GPR141: variants seen among roughly 807,000 people sequenced by gnomAD.
GPR141 encodes G protein-coupled receptor 141.
A neutral mutation model predicts 6.8 loss-of-function variants in GPR141; 6 were observed. The observed-to-expected ratio is 0.88, with a 90% confidence interval of 0.48 to 1.74. GPR141 has a LOEUF of 1.74. Among genes scored for constraint, GPR141 ranks in the 40% most tolerant of loss-of-function variants. The pLI is 0.01. For synonymous variants in GPR141, 140 were observed against 142.3 expected, an observed-to-expected ratio of 0.98 and a Z score of 0.11; for missense variants, 372 against 372.9, an observed-to-expected ratio of 1.00 and a Z score of 0.02.
In GPR141 at chr7:37,741,809, A is replaced by T. The variant is rs1049628886; in HGVS notation, c.*498A>T. On this transcript the variant is annotated 3_prime_UTR_variant, in exon 3 of 3. Transcript: ENST00000334425. ...TCATCTCATGCCCTGATAAAAACTG[A>T]TAAGGGGAGAGAATAGTTAAAAATT... Among the ~76,000 whole-genome samples the T allele has an allele frequency of 6.6e-6, 1 of 152,168 alleles. No homozygotes were observed. Among genetic ancestry groups the T allele is most frequent in the Non-Finnish European group, 1.5e-5 (1 of 68,032 alleles).
intron 2 of GPR141, among the ~76,000 whole-genome samples, chr7:37,737,972 A>G (rs1812329045): frequency 6.6e-6 from 1 of 152,214 alleles, no homozygotes; most frequent in Non-Finnish European, 1.5e-5. Flanking sequence ...ATGTGAGTAG[A>G]ACCAAATTTC....
chr7:37,739,470 A>G (rs1812420516), intron 2 of GPR141, among the ~76,000 whole-genome samples: 1 of 152,228 alleles, frequency 6.6e-6, no homozygotes, highest in Non-Finnish European at 1.5e-5. Flanking sequence ...AACCCAGAAC[A>G]TTCCAGACAT....
At chr7:37,704,711 GTA>G (rs1199128356) in intron 2 of GPR141, among the ~76,000 whole-genome samples, 1 of 152,134 alleles carries the variant, frequency 6.6e-6, no homozygotes, top group African/African-American at 2.4e-5. Context: ...GTTGTGCTGT[GTA>G]TATGGGTCTG....
intron 2 of GPR141, among the ~76,000 whole-genome samples, chr7:37,701,016 C>A (rs1456803822): frequency 5.3e-5 from 8 of 152,132 alleles, no homozygotes; most frequent in Non-Finnish European, 7.4e-5. Context: ...GCATCCTTAG[C>A]TTATGCTGAA....
chr7:37,699,046 AC>A (rs1022455640), intron 2 of GPR141, among the ~76,000 whole-genome samples: 1 of 152,192 alleles, frequency 6.6e-6, no homozygotes, highest in African/African-American at 2.4e-5. Context: ...TGCTTTGGGC[AC>A]CATTAGAGCA....
In GPR141 at chr7:37,740,628, A is replaced by G. The variant is rs760487084; in HGVS notation, c.235A>G (p.Lys79Glu). The G allele has an allele frequency of 6.2e-7, 1 of 1,614,074 alleles. No homozygotes were observed. The highest frequency in any genetic ancestry group is 2.2e-5 in the East Asian group (1 of 44,884). Reference sequence around the variant, plus strand: ...ATTTCGCTTGACCTACCTCATCAAGAAGACTTGGATGTTTGGGCTGCCCTT... The same window carrying G: ...ATTTCGCTTGACCTACCTCATCAAGGAGACTTGGATGTTTGGGCTGCCCTT... ...VPFRLTYLIKKTWMFGLPFCK... is the reference protein window; with the variant it reads ...VPFRLTYLIKETWMFGLPFCK... The change falls in exon 3 of 3, where the codon AAG becomes GAG. Residue 79 changes from lysine (K) to glutamate (E), a missense_variant. Lys to Glu is a moderately conservative substitution (Grantham distance 56). Transcript: ENST00000334425.
At chr7:37,701,570 T>TG (rs1369885565) in intron 2 of GPR141, among the ~76,000 whole-genome samples, 3 of 152,234 alleles carry the variant, frequency 2.0e-5, no homozygotes, top group Non-Finnish European at 4.4e-5. Context: ...AAATATTGCA[T>TG]GGGGTATTTA....
At chr7:37,689,857 G>A (rs1809676628) in intron 2 of GPR141, among the ~76,000 whole-genome samples, 1 of 149,630 alleles carries the variant, frequency 6.7e-6, no homozygotes, top group African/African-American at 2.5e-5. Context: ...TTAAGTTTTT[G>A]TTTCATTTCT....
intron 2 of GPR141, among the ~76,000 whole-genome samples, chr7:37,703,736 T>A (rs1014510720): frequency 5.9e-5 from 9 of 152,202 alleles, no homozygotes; most frequent in Non-Finnish European, 1.0e-4. Flanking sequence ...CAAGATGAAA[T>A]ATGTGTAAAG....
At chr7:37,712,447 G>T (rs1368669035) in intron 2 of GPR141, among the ~76,000 whole-genome samples, 1 of 152,148 alleles carries the variant, frequency 6.6e-6, no homozygotes, top group Non-Finnish European at 1.5e-5. Flanking sequence ...GTAATAAAGT[G>T]ATCAGTGTTG....
rs1812671328 is a variant in GPR141 at position 37,743,520 on chromosome 7, T to C, written c.*2209T>C. Reference sequence around the variant, plus strand: ...GACCGTTACTAAGACCCCTGATAGTTTTAAGAAAATTTATAATACCTATAA... The same window carrying C: ...GACCGTTACTAAGACCCCTGATAGTCTTAAGAAAATTTATAATACCTATAA... On this transcript the variant is annotated 3_prime_UTR_variant, in exon 3 of 3. Transcript: ENST00000334425. Among the ~76,000 whole-genome samples, 1 of 149,408 alleles carries C rather than the reference T, an allele frequency of 6.7e-6. No individual in the cohort carries two copies. The highest frequency in any genetic ancestry group is 1.5e-5 in the Non-Finnish European group (1 of 67,514).
chr7:37,742,991 G>A lies in GPR141; in HGVS notation c.*1680G>A, dbSNP rs1482781399. 6.6e-6 allele frequency among the ~76,000 whole-genome samples: 1 copy of A among 152,118 alleles called. No individual in the cohort carries two copies. Among genetic ancestry groups the A allele is most frequent in the Non-Finnish European group, 1.5e-5 (1 of 68,026 alleles). On this transcript the variant is annotated 3_prime_UTR_variant, in exon 3 of 3. Coordinates refer to ENST00000334425, the MANE Select transcript of GPR141 (RefSeq NM_001381946.1). Reference sequence around the variant, plus strand: ...TTCAAGAACTTCTGTTACTGGCTAGGTTGATACATAGGCTTGTGGGTTTTT... The same window carrying A: ...TTCAAGAACTTCTGTTACTGGCTAGATTGATACATAGGCTTGTGGGTTTTT...
At position 37,741,187 on chromosome 7, in the gene GPR141, A is replaced by G. The variant is rs766476489; in HGVS notation, c.794A>G (p.Tyr265Cys). 3.1e-6 allele frequency: 5 copies of G among 1,613,906 alleles called. No homozygotes were observed. The East Asian group carries it at 1.1e-4, about 36-fold the overall frequency. Residue 265 changes from tyrosine (Y) to cysteine (C), a missense_variant, in exon 3 of 3, where the codon TAT becomes TGT. Coordinates refer to ENST00000334425, the MANE Select transcript of GPR141 (RefSeq NM_001381946.1). Reference sequence around the variant, plus strand: ...GCCTGTAACAGCAAGGTTGCATTTTATAACGAAATCTTCTTGAGTGTAACA... The same window carrying G: ...GCCTGTAACAGCAAGGTTGCATTTTGTAACGAAATCTTCTTGAGTGTAACA... ...SNACNSKVAF[Y>C]NEIFLSVTAI...
intron 2 of GPR141, among the ~76,000 whole-genome samples, chr7:37,710,071 T>C (rs1421543399): frequency 2.0e-5 from 3 of 152,230 alleles, no homozygotes; most frequent in South Asian, 2.1e-4. Context: ...TGAGAGTACG[T>C]GATGACCTGG....
At chr7:37,698,048 G>A (rs1035766602) in intron 2 of GPR141, among the ~76,000 whole-genome samples, 2 of 152,212 alleles carry the variant, frequency 1.3e-5, no homozygotes, top group Non-Finnish European at 2.9e-5. Flanking sequence ...GCCACAGGGT[G>A]AAATATAGGC....
intron 2 of GPR141, among the ~76,000 whole-genome samples, chr7:37,707,046 C>G (rs1028993532): frequency 6.6e-6 from 1 of 152,098 alleles, no homozygotes; most frequent in Non-Finnish European, 1.5e-5. Context: ...TTCTCCTCCC[C>G]TTTACCTCCT....
At chr7:37,718,534 A>AGGAAGGAG (rs1811158561) in intron 2 of GPR141, among the ~76,000 whole-genome samples, 1 of 151,326 alleles carries the variant, frequency 6.6e-6, no homozygotes, top group African/African-American at 2.4e-5. Flanking sequence ...AAAGGAAGGA[A>AGGAAGGAG]GGAAGGAAGG....
chr7:37,691,531 C>G (rs1172225839), intron 2 of GPR141, among the ~76,000 whole-genome samples: 4 of 151,504 alleles, frequency 2.6e-5, no homozygotes, highest in African/African-American at 9.7e-5. Context: ...TTTTTCCTCT[C>G]TTATTGTTTA....
rs756081456 is a variant in GPR141, at chr7:37,740,971, C to G, written c.578C>G (p.Ala193Gly). ...ATAGTCATTTTTGTCATAGCCGTTGCTGTGATTCTGTTGGTCTTCCAGGTC... is the reference window on the plus strand; with the variant it reads ...ATAGTCATTTTTGTCATAGCCGTTGGTGTGATTCTGTTGGTCTTCCAGGTC... ...YMIVIFVIAVAVILLVFQVFI... is the reference protein window; with the variant it reads ...YMIVIFVIAVGVILLVFQVFI... The change falls in exon 3 of 3, where the codon GCT (alanine) becomes GGT (glycine). Residue 193 changes from alanine (A) to glycine (G), a missense_variant. Transcript: ENST00000334425. 6.2e-7 allele frequency: 1 copy of G among 1,613,756 alleles called. No individual in the cohort carries two copies. The highest frequency in any genetic ancestry group is 8.5e-7 in the Non-Finnish European group (1 of 1,179,786).
Sources: gnomAD v4.1 joint callset for allele counts (sites outside exome capture counted in the v4.1 genomes callset) on GRCh38, gnomAD v4.1.1 for gene constraint, MANE v1.5 for transcripts, NCBI Gene and HGNC (gene_info 2026-07-23, HGNC 2026-07-21) for gene names.